The following AKAP6 variants were observed in gnomAD, a reference collection of about 807,000 sequenced individuals.
The protein encoded by AKAP6 is A-kinase anchor protein 6.
AKAP6 carries 58 observed loss-of-function variants against 188.5 expected under a neutral mutation model. That is an observed-to-expected ratio of 0.31 (90% CI 0.25 to 0.38). AKAP6 has a LOEUF of 0.38. Among genes scored for constraint, AKAP6 ranks in the 10% least tolerant of loss-of-function variants. The probability of loss-of-function intolerance (pLI) is 1.00; values close to 1 mark genes in which losing one functional copy is unlikely to be tolerated. For synonymous variants in AKAP6, 989 were observed against 998.6 expected, an observed-to-expected ratio of 0.99 and a Z score of 0.18; for missense variants, 2,710 against 2,740.0, an observed-to-expected ratio of 0.99 and a Z score of 0.24.
intron 1 of AKAP6, among the ~76,000 whole-genome samples, chr14:32,330,826 C>G (rs1001030824): frequency 5.6e-5 from 8 of 142,170 alleles, no homozygotes; most frequent in Non-Finnish European, 1.2e-4. Flanking sequence ...TATACCACAT[C>G]ACGCACATGC....
intron 9 of AKAP6, among the ~76,000 whole-genome samples, chr14:32,717,537 G>A (rs1160023332): frequency 6.6e-6 from 1 of 151,482 alleles, no homozygotes; most frequent in African/African-American, 2.4e-5. Context: ...ATGCATCTAT[G>A]CATCTCCATC....
chr14:32,545,135 C>A, intron 3 of AKAP6, 95 bp from the exon 4 acceptor site: 3 of 1,221,142 alleles, frequency 2.5e-6, no homozygotes, highest in Non-Finnish European at 3.5e-6. Context: ...TACATTTGAC[C>A]TTTATAGTGC....
intron 7 of AKAP6, among the ~76,000 whole-genome samples, chr14:32,628,955 G>T (rs1354003250): frequency 6.6e-6 from 1 of 152,036 alleles, no homozygotes; most frequent in African/African-American, 2.4e-5. Flanking sequence ...TAAATAAGCT[G>T]TTTTCTAAAT....
intron 9 of AKAP6, among the ~76,000 whole-genome samples, chr14:32,703,487 G>A (rs1890695654): frequency 6.6e-6 from 1 of 152,098 alleles, no homozygotes; most frequent in South Asian, 2.1e-4. Context: ...ACAACCTTCC[G>A]GAACAACTTG....
intron 9 of AKAP6, among the ~76,000 whole-genome samples, chr14:32,704,228 A>C (rs1404091324): frequency 6.6e-6 from 1 of 152,226 alleles, no homozygotes; most frequent in Non-Finnish European, 1.5e-5. Context: ...CAATCAGGAT[A>C]ATAATTAGAG....
At chr14:32,400,846 T>C (rs3784181) in intron 1 of AKAP6, among the ~76,000 whole-genome samples, 114,983 of 152,030 alleles carry the variant, frequency 0.76, 46,014 homozygotes, top group Admixed American at 0.88. Context: ...TGGATCCTAA[T>C]AGTTTGCATT....
chr14:32,568,671 G>A lies in AKAP6; in HGVS notation c.2347-8449G>A, dbSNP rs1594750238. 6.6e-6 allele frequency among the ~76,000 whole-genome samples: 1 copy of A among 152,142 alleles called. No homozygotes were observed. The highest frequency in any genetic ancestry group is 1.9e-4 in the East Asian group (1 of 5,184). On this transcript the variant is annotated intron_variant, in intron 4 of 13. Transcript: ENST00000280979. The surrounding 1 kb of genome is among the most constrained non-coding windows in gnomAD (Gnocchi z 6.2). ...TGGGGCAGTCATACTACCTGAATGAGGGGTCCCCAGCTTCATACCTGACAA... is the reference window on the plus strand; with the variant it reads ...TGGGGCAGTCATACTACCTGAATGAAGGGTCCCCAGCTTCATACCTGACAA...
At chr14:32,701,630 T>A (rs1319776878) in intron 9 of AKAP6, among the ~76,000 whole-genome samples, 1 of 152,152 alleles carries the variant, frequency 6.6e-6, no homozygotes, top group Non-Finnish European at 1.5e-5. Flanking sequence ...ATAGTTGACT[T>A]GCTATTTTAT....
Position 32,679,458 on chromosome 14 carries a change from A to C in AKAP6, c.2879+999A>C, listed in dbSNP as rs139480997. 2.1e-3 allele frequency among the ~76,000 whole-genome samples: 323 copies of C among 152,320 alleles called. 1 individual carries two copies. The highest frequency in any genetic ancestry group is 7.2e-3 in the African/African-American group (299 of 41,586). On this transcript the variant is annotated intron_variant, in intron 8 of 13. Transcript: ENST00000280979. The stretch of plus-strand genomic sequence containing the variant: ...AACATTATATAAACCTATGGGATGT[A>C]ACTCTAGCCAAAATATTTCTTAAAG...
chr14:32,774,901 C>T (rs1364889578), intron 12 of AKAP6, among the ~76,000 whole-genome samples: 2 of 152,080 alleles, frequency 1.3e-5, no homozygotes, highest in African/African-American at 4.8e-5. Flanking sequence ...CTGATTTTAA[C>T]GAAGCCTTAA....
intron 13 of AKAP6, 116 bp downstream of exon 13, chr14:32,824,931 T>A (rs759860230): frequency 8.7e-4 from 629 of 726,192 alleles, no homozygotes; most frequent in Middle Eastern, 2.6e-3. Context: ...GTTATCTGAA[T>A]AAGACATTTA....
intron 12 of AKAP6, among the ~76,000 whole-genome samples, chr14:32,807,084 A>G (rs1486260490): frequency 6.6e-6 from 1 of 151,498 alleles, no homozygotes; most frequent in African/African-American, 2.4e-5. Context: ...ATATATATAT[A>G]TATAAAATCC....
rs777365282 is a variant in AKAP6 at position 32,830,248 on chromosome 14, A to AT, written c.*452dup. On this transcript the variant is annotated 3_prime_UTR_variant, in exon 14 of 14. Transcript: ENST00000280979. ...TGACCAATTTCATGTATCAATCTGG[A>AT]TTTTTTTTTAACGGTATAATGACTG... The AT allele has an allele frequency of 3.7e-3, 1,202 of 327,018 alleles. 1 individual carries two copies. The highest frequency in any genetic ancestry group is 4.6e-3 in the Non-Finnish European group (838 of 180,634). The allele number at this position is 327,018 out of a possible 1,614,324, so 20.3% of individuals were successfully genotyped here. A position where few individuals can be genotyped will look rare whatever the true frequency, so the allele number is the denominator to read the frequency against.
intron 1 of AKAP6, among the ~76,000 whole-genome samples, chr14:32,427,668 T>C (rs1302068838): frequency 1.3e-5 from 2 of 152,232 alleles, no homozygotes; most frequent in Non-Finnish European, 2.9e-5. Context: ...CTGGAGTTTC[T>C]TTCTCCTTAA....
chr14:32,749,177 G>A (rs1020526529), intron 11 of AKAP6, among the ~76,000 whole-genome samples: 5 of 152,134 alleles, frequency 3.3e-5, no homozygotes, highest in Admixed American at 2.0e-4. Flanking sequence ...CAGGAAGTAA[G>A]TTTTCTTTGC....
intron 2 of AKAP6, among the ~76,000 whole-genome samples, chr14:32,456,857 C>T (rs889356241): frequency 3.3e-5 from 5 of 152,162 alleles, no homozygotes; most frequent in Admixed American, 6.5e-5. Context: ...GAGGGAATTA[C>T]ATGCATTAGG....
At chr14:32,665,638 GGA>G (rs1464484916) in intron 7 of AKAP6, among the ~76,000 whole-genome samples, 1 of 151,994 alleles carries the variant, frequency 6.6e-6, no homozygotes, top group Non-Finnish European at 1.5e-5. Flanking sequence ...CCCTCTCATG[GGA>G]GAGTCTTAAG....
Position 32,836,335 on chromosome 14 carries a change from A to G in AKAP6, c.*6530A>G, listed in dbSNP as rs962086049. ...ACCTTACTGCATCCTCATCTGGTGG[A>G]AGGGGCAGTGAACAAGCTCCCTTGG... On this transcript the variant is annotated 3_prime_UTR_variant, in exon 14 of 14. Transcript: ENST00000280979. The G allele has an allele frequency of 6.6e-6, 1 of 152,098 alleles. No individual in the cohort carries two copies. Among genetic ancestry groups the G allele is most frequent in the African/African-American group, 2.4e-5 (1 of 41,398 alleles). 9.4% of individuals were successfully genotyped at this position (152,098 alleles called of 1,614,324 possible).
chr14:32,337,483 C>G (rs952627916), intron 1 of AKAP6, among the ~76,000 whole-genome samples: 85 of 151,986 alleles, frequency 5.6e-4, no homozygotes, highest in Admixed American at 3.9e-3. Flanking sequence ...CCTCTGAGAA[C>G]AAATAAAGAA....
Sources: gnomAD v4.1 joint callset for allele counts (sites outside exome capture counted in the v4.1 genomes callset) on GRCh38, gnomAD v4.1.1 for gene constraint, Gnocchi (gnomAD v3.1) non-coding constraint, MANE v1.5 for transcripts, NCBI Gene and HGNC (gene_info 2026-07-23, HGNC 2026-07-21) for gene names.